ARHGAP26: variants seen among roughly 807,000 people sequenced by gnomAD.
The protein encoded by ARHGAP26 is rho GTPase-activating protein 26.
ARHGAP26 carries 38 observed loss-of-function variants against 104.8 expected under a neutral mutation model. That is an observed-to-expected ratio of 0.36 (90% CI 0.28 to 0.48). The LOEUF is 0.48. Ranked by LOEUF, ARHGAP26 falls within the 20% of genes least tolerant of loss-of-function variation. The pLI is 0.99. For missense variants in ARHGAP26, 704 were observed against 947.9 expected, an observed-to-expected ratio of 0.74 and a Z score of 3.38; for synonymous variants, 341 against 340.0, an observed-to-expected ratio of 1.00 and a Z score of -0.03.
At chr5:143,004,017 C>A (rs374741411) in intron 11 of ARHGAP26, among the ~76,000 whole-genome samples, 95 of 118,124 alleles carry the variant, frequency 8.0e-4, no homozygotes, top group East Asian at 4.4e-3. Context: ...AATTTATAGA[C>A]AAAAAAAAAA....
intron 11 of ARHGAP26, among the ~76,000 whole-genome samples, chr5:142,956,088 G>T (rs1769184879): frequency 6.6e-6 from 1 of 152,226 alleles, no homozygotes; most frequent in Admixed American, 6.5e-5. Flanking sequence ...AAGCATAATT[G>T]TGGGCCAAGG....
intron 15 of ARHGAP26, 53 bp downstream of exon 15, chr5:143,054,579 G>A (rs939804386): frequency 3.0e-6 from 4 of 1,337,354 alleles, no homozygotes; most frequent in Non-Finnish European, 4.2e-6. Context: ...CATGCAATCA[G>A]GAAGAAAGCA....
chr5:142,877,711 C>G (rs936141721), intron 3 of ARHGAP26, among the ~76,000 whole-genome samples: 1 of 152,204 alleles, frequency 6.6e-6, no homozygotes, highest in East Asian at 1.9e-4. Flanking sequence ...TGGATGTCCA[C>G]TGGAATAACT....
intron 11 of ARHGAP26, among the ~76,000 whole-genome samples, chr5:142,942,778 TTTG>T (rs771740096): frequency 4.7e-4 from 72 of 152,188 alleles, no homozygotes; most frequent in Non-Finnish European, 7.5e-4. Context: ...GTGGTGGGTT[TTTG>T]TTGTTGTTGT....
chr5:143,052,166 C>A (rs1183127262), intron 14 of ARHGAP26, among the ~76,000 whole-genome samples: 1 of 152,062 alleles, frequency 6.6e-6, no homozygotes, highest in East Asian at 1.9e-4. Context: ...GTTCTGTAGC[C>A]CCAGAAATAA....
intron 11 of ARHGAP26, among the ~76,000 whole-genome samples, chr5:142,993,845 T>A (rs1301616251): frequency 7.3e-6 from 1 of 137,518 alleles, no homozygotes; most frequent in Non-Finnish European, 1.6e-5. Context: ...TTCTTTTCTT[T>A]TTTTAAGTAG....
chr5:143,050,984 A>G (rs921554584), intron 14 of ARHGAP26, among the ~76,000 whole-genome samples: 1 of 152,218 alleles, frequency 6.6e-6, no homozygotes, highest in Non-Finnish European at 1.5e-5. Flanking sequence ...ATCTCAAAAC[A>G]GAAGGGACTG....
chr5:143,117,235 T>C (rs561732087), intron 17 of ARHGAP26, among the ~76,000 whole-genome samples: 3 of 152,320 alleles, frequency 2.0e-5, no homozygotes, highest in African/African-American at 7.2e-5. Context: ...TCTCTGTGTT[T>C]TATAGACCTT....
intron 12 of ARHGAP26, among the ~76,000 whole-genome samples, chr5:143,024,855 A>T (rs1780823609): frequency 6.6e-6 from 1 of 152,222 alleles, no homozygotes; most frequent in African/African-American, 2.4e-5. Context: ...TAGAAGTGTT[A>T]GCTCTGGAGT....
At chr5:142,997,109 A>G (rs1473431972) in intron 11 of ARHGAP26, among the ~76,000 whole-genome samples, 2 of 152,184 alleles carry the variant, frequency 1.3e-5, no homozygotes, top group African/African-American at 4.8e-5. Context: ...AACTTTATAT[A>G]TATGCATTTA....
At chr5:142,799,726 A>C (rs1761689591) in intron 1 of ARHGAP26, among the ~76,000 whole-genome samples, 1 of 152,160 alleles carries the variant, frequency 6.6e-6, no homozygotes, top group South Asian at 2.1e-4. Context: ...AGGATGAGAG[A>C]GGCAAAAGGG....
intron 11 of ARHGAP26, among the ~76,000 whole-genome samples, chr5:142,993,647 TC>T (rs1775972744): frequency 6.6e-6 from 1 of 152,002 alleles, no homozygotes; most frequent in Non-Finnish European, 1.5e-5. Context: ...TGATTTTTTT[TC>T]TTTTTTTTGA....
At chr5:143,070,139 A>G (rs1788044044) in intron 17 of ARHGAP26, among the ~76,000 whole-genome samples, 1 of 152,156 alleles carries the variant, frequency 6.6e-6, no homozygotes, top group Non-Finnish European at 1.5e-5. Flanking sequence ...TATGTCTCTC[A>G]GGCTAGGTGG....
chr5:142,976,314 G>T (rs1200932271), intron 11 of ARHGAP26, among the ~76,000 whole-genome samples: 2 of 152,210 alleles, frequency 1.3e-5, no homozygotes, highest in Non-Finnish European at 2.9e-5. Context: ...TTAAGTTTAT[G>T]AAGTGAATAA....
chr5:142,826,385 T>C lies in ARHGAP26; in HGVS notation c.155-47015T>C, dbSNP rs116066988. 4.2e-3 allele frequency among the ~76,000 whole-genome samples: 638 copies of C among 152,324 alleles called. 5 individuals carry two copies. The highest frequency in any genetic ancestry group is 0.015 in the African/African-American group (614 of 41,582). ...AATCCCATCATGTTAGGAATTGTCATACTACCCATTTTGCAGAGCAGGAAA... is the reference window on the plus strand; with the variant it reads ...AATCCCATCATGTTAGGAATTGTCACACTACCCATTTTGCAGAGCAGGAAA... On this transcript the variant is annotated intron_variant, in intron 1 of 22. Transcript: ENST00000645722.
At chr5:143,052,145 T>C (rs999195867) in intron 14 of ARHGAP26, among the ~76,000 whole-genome samples, 4 of 152,204 alleles carry the variant, frequency 2.6e-5, no homozygotes, top group Non-Finnish European at 5.9e-5. Context: ...TAGAACTCTA[T>C]GGAATTTACT....
chr5:142,828,910 C>T (rs983770505), intron 1 of ARHGAP26, among the ~76,000 whole-genome samples: 1 of 152,200 alleles, frequency 6.6e-6, no homozygotes, highest in Non-Finnish European at 1.5e-5. Flanking sequence ...AGCAGCCTGA[C>T]CCTGTCCTCA....
chr5:142,774,817 TA>T (rs971022289), intron 1 of ARHGAP26, among the ~76,000 whole-genome samples: 61 of 152,348 alleles, frequency 4.0e-4, no homozygotes, highest in African/African-American at 1.3e-3. Flanking sequence ...GAATGTCATG[TA>T]GTTGGAATTA....
At position 142,971,065 on chromosome 5, in the gene ARHGAP26, AT is replaced by A. The variant is rs547601380; in HGVS notation, c.1107+38943del. The stretch of plus-strand genomic sequence containing the variant: ...GCATTGGAGGTTTGAGTTTAAGTAA[AT>A]TTGAAGACTGAGATACAAATTTGAA... On this transcript the variant is annotated intron_variant, in intron 11 of 22. Transcript: ENST00000645722. Among the ~76,000 whole-genome samples the A allele has an allele frequency of 2.8e-3, 426 of 152,324 alleles. 4 individuals are homozygous for A. Among genetic ancestry groups the A allele is most frequent in the African/African-American group, 9.7e-3 (403 of 41,566 alleles).
Sources: gnomAD v4.1 joint callset for allele counts (sites outside exome capture counted in the v4.1 genomes callset) on GRCh38, gnomAD v4.1.1 for gene constraint, MANE v1.5 for transcripts, NCBI Gene and HGNC (gene_info 2026-07-23, HGNC 2026-07-21) for gene names.